Variants in ABCA12 observed in about 807,000 individuals in gnomAD.
The protein encoded by ABCA12 is ATP binding cassette subfamily A member 12.
In ABCA12, 156 loss-of-function variants were observed where a neutral mutation model predicts 293.5. That is an observed-to-expected ratio of 0.53 (90% CI 0.47 to 0.61). The LOEUF is 0.61. ABCA12 is among the 20% of genes least tolerant of loss of function. ABCA12 has a pLI of 0.00. For synonymous variants in ABCA12, 1,063 were observed against 1,108.0 expected (o/e 0.96, Z 0.81); for missense variants, 2,797 against 3,090.2 (o/e 0.91, Z 2.25).
At chr2:215,111,920 T>C (rs999081590) in intron 1 of ABCA12, among the ~76,000 whole-genome samples, 1 of 152,202 alleles carries the variant, frequency 6.6e-6, no homozygotes, top group East Asian at 1.9e-4. Flanking sequence ...AATAACCTTC[T>C]GAAGATTTAT....
chr2:214,997,956 T>C (rs1700070922), intron 22 of ABCA12, 147 bp from the exon 23 acceptor site: 2 of 605,782 alleles, frequency 3.3e-6, no homozygotes, highest in South Asian at 4.3e-5. Context: ...TACCCCATTA[T>C]TTACGAAGCA....
At chr2:215,068,404 C>A (rs1437869849) in intron 2 of ABCA12, among the ~76,000 whole-genome samples, 2 of 152,154 alleles carry the variant, frequency 1.3e-5, no homozygotes, top group Non-Finnish European at 2.9e-5. Flanking sequence ...CAGCCATAGA[C>A]AATGGGTGCC....
At chr2:215,059,719 A>T (rs913312832) in intron 3 of ABCA12, among the ~76,000 whole-genome samples, 1 of 151,960 alleles carries the variant, frequency 6.6e-6, no homozygotes, top group South Asian at 2.1e-4. Context: ...GAAGGAGATA[A>T]CACCACTGTG....
At chr2:214,989,211 A>ATATT in intron 26 of ABCA12, 118 bp downstream of exon 26, 1 of 41,032 alleles carries the variant, frequency 2.4e-5, no homozygotes, top group Non-Finnish European at 5.7e-5. Context: ...TATATATATA[A>ATATT]TATTTTTATT....
intron 2 of ABCA12, among the ~76,000 whole-genome samples, chr2:215,067,552 T>G (rs1701661095): frequency 6.6e-6 from 1 of 152,162 alleles, no homozygotes; most frequent in African/African-American, 2.4e-5. Flanking sequence ...CATGCCCATC[T>G]CCAGGAGAAA....
intron 23 of ABCA12, among the ~76,000 whole-genome samples, chr2:214,995,796 G>A (rs139019954): frequency 9.2e-5 from 14 of 151,650 alleles, no homozygotes; most frequent in South Asian, 6.3e-4. Context: ...CAAATAAATC[G>A]TGACACCCTA....
intron 1 of ABCA12, among the ~76,000 whole-genome samples, chr2:215,119,610 G>A (rs73076508): frequency 0.048 from 7,258 of 151,846 alleles, 565 homozygotes; most frequent in African/African-American, 0.17. Flanking sequence ...AAGATCAGTT[G>A]GTTGTGAGTA....
Position 215,064,224 on chromosome 2 carries a change from A to T in ABCA12, c.164-5T>A. On this transcript the variant is annotated splice_polypyrimidine_tract_variant and splice_region_variant and intron_variant, in intron 2 of 52. Transcript: ENST00000272895. The stretch of plus-strand genomic sequence containing the variant: ...GGTTTCGAGGTGCGAGGTAACCTAA[A>T]ATTAAAAAAACAGTCATTACATCAG... 1 of 1,612,138 alleles carries T rather than the reference A, an allele frequency of 6.2e-7. No individual in the cohort carries two copies. Among genetic ancestry groups the T allele is most frequent in the African/African-American group, 1.3e-5 (1 of 74,882 alleles).
intron 2 of ABCA12, among the ~76,000 whole-genome samples, chr2:215,081,228 A>C (rs1484164106): frequency 6.6e-6 from 1 of 152,340 alleles, no homozygotes; most frequent in Middle Eastern, 3.4e-3. Flanking sequence ...CTGTAATCCC[A>C]GCACTTTGGG....
intron 45 of ABCA12, among the ~76,000 whole-genome samples, chr2:214,949,967 A>G (rs1698703166): frequency 1.3e-5 from 2 of 152,206 alleles, no homozygotes; most frequent in South Asian, 2.1e-4. Context: ...TGTAAATTAT[A>G]TATACAGTCA....
At chr2:215,018,325 A>G (rs1268478348) in intron 13 of ABCA12, among the ~76,000 whole-genome samples, 193 bp from the exon 14 acceptor site, 1 of 152,164 alleles carries the variant, frequency 6.6e-6, no homozygotes, top group East Asian at 1.9e-4. Flanking sequence ...TTATTATTAT[A>G]TCATAAACCC....
intron 50 of ABCA12, among the ~76,000 whole-genome samples, chr2:214,939,028 T>C (rs1698311587): frequency 6.6e-6 from 1 of 152,246 alleles, no homozygotes; most frequent in South Asian, 2.1e-4. Flanking sequence ...ATGAAGTCTT[T>C]GCCCACGCCT....
intron 2 of ABCA12, among the ~76,000 whole-genome samples, chr2:215,079,784 A>G (rs1701901620): frequency 6.6e-6 from 1 of 152,228 alleles, no homozygotes; most frequent in Non-Finnish European, 1.5e-5. Context: ...TGTTTAGGGA[A>G]ATAAATGAAC....
intron 2 of ABCA12, among the ~76,000 whole-genome samples, chr2:215,078,677 G>T (rs1701880207): frequency 6.6e-6 from 1 of 152,166 alleles, no homozygotes; most frequent in Non-Finnish European, 1.5e-5. Flanking sequence ...ATAATGTGGA[G>T]ATACTGCTGG....
chr2:215,017,038 A>G (rs1018036195), intron 14 of ABCA12, among the ~76,000 whole-genome samples: 2 of 152,242 alleles, frequency 1.3e-5, no homozygotes, highest in Non-Finnish European at 2.9e-5. Context: ...GTGAGATTAA[A>G]GAGAAAAGAT....
At position 214,970,324 on chromosome 2, in the gene ABCA12, T is replaced by C; in HGVS notation, c.5639A>G (p.Gln1880Arg). 1 of 1,613,296 alleles carries C rather than the reference T, an allele frequency of 6.2e-7. No homozygotes were observed. The highest frequency in any genetic ancestry group is 8.5e-7 in the Non-Finnish European group (1 of 1,179,472). ...TGATATAAGATAATTTTCCACTCGT[T>C]GCCCAGTGAGGTTATAAATTACCTG... ...SSQVIYNLTG[Q>R]RVENYLISTA... The change falls in exon 37 of 53, where the codon CAA (glutamine) becomes CGA (arginine). Residue 1880 changes from glutamine (Q) to arginine (R), a missense_variant. Around this residue, in one of 3 missense-constraint regions of ABCA12, gnomAD observed 2,130 missense variants for 2,427.0 expected, o/e 0.88. Coordinates refer to ENST00000272895, the MANE Select transcript of ABCA12 (RefSeq NM_173076.3).
At chr2:215,123,615 G>C (rs1270013578) in intron 1 of ABCA12, among the ~76,000 whole-genome samples, 2 of 152,076 alleles carry the variant, frequency 1.3e-5, no homozygotes, top group East Asian at 3.8e-4. Flanking sequence ...TGATTCAAAT[G>C]GTAGTTTTAT....
rs199965439 is a variant in ABCA12 at position 214,958,263 on chromosome 2, C to T, written c.6117+14G>A. The T allele has an allele frequency of 4.3e-6, 7 of 1,613,760 alleles. No homozygotes were observed. The highest frequency in any genetic ancestry group is 5.9e-6 in the Non-Finnish European group (7 of 1,179,716). On this transcript the variant is annotated intron_variant, in intron 41 of 52. Coordinates refer to ENST00000272895, the MANE Select transcript of ABCA12 (RefSeq NM_173076.3). ...ATCTTTTATTCCCTGCAATGAAGGA[C>T]ATAAGTTACTCACCATGTCATAAAT...
chr2:215,057,020 G>A (rs1383957209), intron 3 of ABCA12, among the ~76,000 whole-genome samples: 6 of 152,002 alleles, frequency 3.9e-5, no homozygotes, highest in African/African-American at 1.4e-4. Context: ...TTTCAGCTGT[G>A]ACATCTTTAG....
Sources: gnomAD v4.1 joint callset for allele counts (sites outside exome capture counted in the v4.1 genomes callset) on GRCh38, gnomAD v4.1.1 for gene constraint, gnomAD v4.1.1 regional missense constraint, MANE v1.5 for transcripts, NCBI Gene and HGNC (gene_info 2026-07-23, HGNC 2026-07-21) for gene names.